TMEM178B: variants seen among roughly 807,000 people sequenced by gnomAD.
TMEM178B encodes transmembrane protein 178B.
TMEM178B carries 5 observed loss-of-function variants against 31.0 expected under a neutral mutation model. That is an observed-to-expected ratio of 0.16 (90% CI 0.08 to 0.34). TMEM178B has a LOEUF of 0.34. Among genes scored for constraint, TMEM178B ranks in the 10% least tolerant of loss-of-function variants. The pLI, the probability that TMEM178B is intolerant of heterozygous loss-of-function variation, is 1.00. For synonymous variants in TMEM178B, 164 were observed against 164.0 expected, an observed-to-expected ratio of 1.00 and a Z score of 0.00; for missense variants, 275 against 400.3, an observed-to-expected ratio of 0.69 and a Z score of 2.67.
intron 1 of TMEM178B, among the ~76,000 whole-genome samples, chr7:141,124,806 CA>C (rs1174564467): frequency 6.6e-6 from 1 of 152,102 alleles, no homozygotes; most frequent in Non-Finnish European, 1.5e-5. Context: ...AAAAAACATA[CA>C]CTGTGTGAAA....
chr7:141,144,834 G>A (rs1350631837), intron 1 of TMEM178B, among the ~76,000 whole-genome samples: 2 of 152,108 alleles, frequency 1.3e-5, no homozygotes, highest in African/African-American at 2.4e-5. Flanking sequence ...AGCCAGACCC[G>A]AGGCTGAATT....
rs149825276 is a variant in TMEM178B, at chr7:141,166,614, G to A, written c.383-45977G>A. 6.6e-5 allele frequency among the ~76,000 whole-genome samples: 10 copies of A among 152,316 alleles called. No individual in the cohort carries two copies. In the East Asian group the frequency reaches 1.9e-3, roughly 29 times the overall value. On this transcript the variant is annotated intron_variant, in intron 1 of 3. Transcript: ENST00000565468. ...AGAAACATTCCTGGGGATGTGGAGG[G>A]CTGCTACCCAGGAGACCCACAGGAA...
At chr7:141,403,384 T>C (rs1800823767) in intron 2 of TMEM178B, among the ~76,000 whole-genome samples, 1 of 152,228 alleles carries the variant, frequency 6.6e-6, no homozygotes, top group African/African-American at 2.4e-5. Flanking sequence ...TCTGATCAAG[T>C]GTCAGGGCCT....
chr7:141,175,930 C>A (rs1241117001), intron 1 of TMEM178B, among the ~76,000 whole-genome samples: 1 of 152,130 alleles, frequency 6.6e-6, no homozygotes, highest in Non-Finnish European at 1.5e-5. Context: ...TCCTCTTTTC[C>A]TACTTGAATA....
At chr7:141,283,661 CT>C (rs1798399966) in intron 2 of TMEM178B, among the ~76,000 whole-genome samples, 3 of 152,314 alleles carry the variant, frequency 2.0e-5, no homozygotes, top group African/African-American at 7.2e-5. Context: ...AGCATAAGCT[CT>C]TTGACCCTCT....
chr7:141,429,102 A>G (rs569673801), intron 2 of TMEM178B, among the ~76,000 whole-genome samples: 3 of 152,328 alleles, frequency 2.0e-5, no homozygotes, highest in African/African-American at 7.2e-5. Flanking sequence ...ATGGAAAACC[A>G]TATGGAGATT....
chr7:141,167,458 C>T (rs924680365), intron 1 of TMEM178B, among the ~76,000 whole-genome samples: 1 of 152,248 alleles, frequency 6.6e-6, no homozygotes, highest in African/African-American at 2.4e-5. Context: ...CCTGCCAGTT[C>T]GTTGCTCCTC....
intron 2 of TMEM178B, among the ~76,000 whole-genome samples, chr7:141,241,181 C>G (rs1190946178): frequency 1.3e-5 from 2 of 151,854 alleles, no homozygotes; most frequent in Non-Finnish European, 2.9e-5. Context: ...CCATCCTCCC[C>G]CTTCTGAGTC....
chr7:141,402,136 C>T (rs1202961014), intron 2 of TMEM178B, among the ~76,000 whole-genome samples: 5 of 152,284 alleles, frequency 3.3e-5, no homozygotes, highest in African/African-American at 9.6e-5. Context: ...CTCCGGAGGA[C>T]CCGCTCACTA....
chr7:141,407,560 CCTGAACGCTCCCGATCTCGT>C (rs1800906356), intron 2 of TMEM178B, among the ~76,000 whole-genome samples: 1 of 152,132 alleles, frequency 6.6e-6, no homozygotes, highest in Non-Finnish European at 1.5e-5. Context: ...GCCATACCAC[CCTGAACGCTCCCGATCTCGT>C]CTGAATAGCT....
At chr7:141,437,557 C>T in intron 2 of TMEM178B, 51 bp from the exon 3 acceptor site, 2 of 1,530,438 alleles carry the variant, frequency 1.3e-6, no homozygotes, top group Non-Finnish European at 1.7e-6. Context: ...TATACCCTGG[C>T]CCTCAGTCCC....
At chr7:141,157,822 C>T (rs1350029741) in intron 1 of TMEM178B, among the ~76,000 whole-genome samples, 3 of 152,160 alleles carry the variant, frequency 2.0e-5, no homozygotes, top group African/African-American at 7.2e-5. Flanking sequence ...CTCTGAGATC[C>T]TCATTTCCTC....
At chr7:141,468,356 G>A (rs746659379) in intron 3 of TMEM178B, among the ~76,000 whole-genome samples, 4 of 152,160 alleles carry the variant, frequency 2.6e-5, no homozygotes, top group South Asian at 2.1e-4. Flanking sequence ...AACCCATGCC[G>A]AGTGAGAGAG....
downstream of TMEM178B, among the ~76,000 whole-genome samples, chr7:141,482,015 G>A (rs1802484567): frequency 6.6e-6 from 1 of 152,172 alleles, no homozygotes; most frequent in Non-Finnish European, 1.5e-5. Flanking sequence ...CCGATGCTCT[G>A]TGGACAGCCT....
At chr7:141,460,125 C>T (rs956748200) in intron 3 of TMEM178B, among the ~76,000 whole-genome samples, 1 of 152,188 alleles carries the variant, frequency 6.6e-6, no homozygotes, top group Non-Finnish European at 1.5e-5. Flanking sequence ...TATTGTATTA[C>T]TTTGTCAGGG....
chr7:141,273,420 T>C (rs1052421406), intron 2 of TMEM178B, among the ~76,000 whole-genome samples: 3 of 152,214 alleles, frequency 2.0e-5, no homozygotes, highest in East Asian at 3.8e-4. Context: ...TATTCATCAA[T>C]TAAATATTTA....
intron 2 of TMEM178B, among the ~76,000 whole-genome samples, chr7:141,375,951 A>T (rs1208657589): frequency 6.6e-6 from 1 of 152,222 alleles, no homozygotes; most frequent in Non-Finnish European, 1.5e-5. Flanking sequence ...AAGTAGCCCC[A>T]GAGCTGGCAA....
At chr7:141,378,117 G>A (rs930178307) in intron 2 of TMEM178B, among the ~76,000 whole-genome samples, 1 of 152,076 alleles carries the variant, frequency 6.6e-6, no homozygotes, top group African/African-American at 2.4e-5. Context: ...TGACAGTTTT[G>A]AAGAATACTG....
intron 1 of TMEM178B, among the ~76,000 whole-genome samples, chr7:141,206,425 CCT>C (rs1319377315): frequency 6.6e-6 from 1 of 152,168 alleles, no homozygotes; most frequent in Non-Finnish European, 1.5e-5. Flanking sequence ...TCCAACCTGG[CCT>C]CTGTCTTCTG....
Sources: allele counts gnomAD v4.1 joint callset (sites outside exome capture counted in the v4.1 genomes callset), GRCh38; gene constraint gnomAD v4.1.1; transcripts MANE v1.5; gene names NCBI Gene and HGNC (gene_info 2026-07-23, HGNC 2026-07-21).